Variants in COL6A2 observed in about 807,000 individuals in gnomAD.
The protein encoded by COL6A2 is collagen alpha-2(VI) chain.
In COL6A2, 90 loss-of-function variants were observed where a neutral mutation model predicts 124.9. The ratio of observed to expected loss-of-function variants is 0.72; its 90% CI spans 0.61 to 0.86. The LOEUF is 0.86. COL6A2 is among the 40% of genes least tolerant of loss of function. COL6A2 has a pLI of 0.00. For missense variants in COL6A2, 1,607 were observed against 1,502.5 expected (o/e 1.07, Z -1.15); for synonymous variants, 793 against 618.2 (o/e 1.28, Z -4.19).
At chr21:46,120,994 T>C in intron 16 of COL6A2, 67 bp from the exon 17 acceptor site, 1 of 1,458,162 alleles carries the variant, frequency 6.9e-7, no homozygotes, top group Non-Finnish European at 9.6e-7. Context: ...TCCACAGGAT[T>C]GATACTGGGG....
At chr21:46,117,761 C>A in intron 11 of COL6A2, 113 bp from the exon 12 acceptor site, 1 of 1,114,708 alleles carries the variant, frequency 9.0e-7, no homozygotes, top group Non-Finnish European at 1.3e-6. Flanking sequence ...CTGGGCCTCA[C>A]AGTGAGGGTG....
intron 18 of COL6A2, among the ~76,000 whole-genome samples, chr21:46,121,854 G>A (rs2078571648): frequency 6.6e-6 from 1 of 152,160 alleles, no homozygotes; most frequent in African/African-American, 2.4e-5. Context: ...CTGAGGCAGG[G>A]CCTGAGGGCA....
At position 46,112,271 on chromosome 21, in the gene COL6A2, C is replaced by T. The variant is rs745970130; in HGVS notation, c.408C>T (p.Cys136=). Residue 136 remains cysteine (C), a synonymous_variant, in exon 3 of 28, where the codon TGC becomes TGT. Transcript: ENST00000300527. Reference sequence around the variant, plus strand: ...TCCGCCGCGGCACCTTCACCGACTGCGCGCTGGCCAACATGACGGAGCAGA... The same window carrying T: ...TCCGCCGCGGCACCTTCACCGACTGTGCGCTGGCCAACATGACGGAGCAGA... The part of the protein sequence containing the change: ...SSFRRGTFTD[C]ALANMTEQIR... 2.0e-5 allele frequency: 33 copies of T among 1,612,624 alleles called. No individual in the cohort carries two copies. Among genetic ancestry groups the T allele is most frequent in the Admixed American group, 8.3e-5 (5 of 60,004 alleles).
At position 46,125,466 on chromosome 21, in the gene COL6A2, CTG is replaced by C. The variant is rs761642362; in HGVS notation, c.1821_1822del (p.Cys607Ter). The C allele has an allele frequency of 2.5e-6, 4 of 1,612,388 alleles. No individual in the cohort carries two copies. Among genetic ancestry groups the C allele is most frequent in the Admixed American group, 3.3e-5 (2 of 60,022 alleles). On this transcript the variant is annotated frameshift_variant and splice_region_variant, in exon 25 of 28. Transcript: ENST00000300527. LOFTEE classifies it high-confidence loss of function. ...YVRETCGCCD[C>X]EKRCGALDVV... The stretch of plus-strand genomic sequence containing the variant: ...CCGATGACCCTGCCACCCCCCCAGA[CTG>C]TGAGAAGCGCTGTGGCGCCCTGGAC...
At position 46,119,804 on chromosome 21, in the gene COL6A2, C is replaced by T; in HGVS notation, c.1286C>T (p.Pro429Leu). The T allele has an allele frequency of 6.4e-7, 1 of 1,564,124 alleles. No homozygotes were observed. Among genetic ancestry groups the T allele is most frequent in the Non-Finnish European group, 8.7e-7 (1 of 1,154,010 alleles). Residue 429 changes from proline to leucine, a missense_variant, in exon 15 of 28, where the codon CCC becomes CTC. By Grantham distance (98) the Pro-to-Leu change is moderately conservative. This residue lies in a region of COL6A2 where 1,223 missense variants were observed against 1,052.2 expected (regional missense o/e 1.16). Transcript: ENST00000300527. ...PKGEPGRRGD[P>L]GTKGSPGSDG... ...TCTCTGCAGGGGCGCAGGGGAGACC[C>T]CGGCACCAAGGGCAGCCCAGGCAGC...
rs1229870358 is a variant in COL6A2, at chr21:46,132,728, T to C, written c.*176T>C. ...GCCCCGGCCCCCGCCCAGCCCCAGG[T>C]CTCCCCAGGCCCTCCGCAGGCTGCC... On this transcript the variant is annotated 3_prime_UTR_variant, in exon 28 of 28. Coordinates refer to ENST00000300527, the MANE Select transcript of COL6A2 (RefSeq NM_001849.4). 2 of 657,950 alleles carry C rather than the reference T, an allele frequency of 3.0e-6. No homozygotes were observed. The highest frequency in any genetic ancestry group is 5.6e-5 in the East Asian group (2 of 35,794). 40.8% of individuals were successfully genotyped at this position (657,950 alleles called of 1,614,324 possible).
chr21:46,121,600 A>C lies in COL6A2; in HGVS notation c.1503A>C (p.Ser501=), dbSNP rs2123646795. The C allele has an allele frequency of 6.2e-7, 1 of 1,612,788 alleles. No individual in the cohort carries two copies. The change falls in exon 18 of 28, where the codon TCA becomes TCC. Residue 501 remains serine, a synonymous_variant. Coordinates refer to ENST00000300527, the MANE Select transcript of COL6A2 (RefSeq NM_001849.4). ...DPGDAGPRGD[S]GQPGPKGDPG... is the part of the protein sequence containing the mutation. ...GTGATGCAGGACCCCGTGGAGACTC[A>C]GGACAGCCAGGCCCCAAGGTACGTG...
At chr21:46,114,872 G>A (rs540887686) in intron 5 of COL6A2, among the ~76,000 whole-genome samples, 3 of 152,378 alleles carry the variant, frequency 2.0e-5, no homozygotes, top group South Asian at 2.1e-4. Flanking sequence ...CATAGGAGGA[G>A]AAAGTAGCTT....
intron 27 of COL6A2, chr21:46,129,560 A>G: frequency 6.8e-7 from 1 of 1,471,850 alleles, no homozygotes; most frequent in South Asian, 1.4e-5. Context: ...TGCCCCCGAC[A>G]GGCTGGCTCT....
Position 46,124,642 on chromosome 21 carries a change from C to T in COL6A2, c.1672-9C>T. 2 of 1,612,812 alleles carry T rather than the reference C, an allele frequency of 1.2e-6. No homozygotes were observed. Among genetic ancestry groups the T allele is most frequent in the South Asian group, 1.1e-5 (1 of 91,082 alleles). ...CCACTGAAGCCCACCTGTTCTTGTT[C>T]CTTCTCAGGCGGATCCTGGTCCCCC... On this transcript the variant is annotated splice_polypyrimidine_tract_variant and intron_variant, in intron 21 of 27. Coordinates refer to ENST00000300527, the MANE Select transcript of COL6A2 (RefSeq NM_001849.4).
chr21:46,117,858 C>A lies in COL6A2; in HGVS notation c.1054-16C>A. On this transcript the variant is annotated splice_polypyrimidine_tract_variant and intron_variant, in intron 11 of 27. Coordinates refer to ENST00000300527, the MANE Select transcript of COL6A2 (RefSeq NM_001849.4). ...ACCCGCCGTGTGCCGAGCTCCACCTCTCACTCCTCTCTCAGGGCCCCGACG... is the reference window on the plus strand; with the variant it reads ...ACCCGCCGTGTGCCGAGCTCCACCTATCACTCCTCTCTCAGGGCCCCGACG... 6.2e-7 allele frequency: 1 copy of A among 1,607,482 alleles called. No homozygotes were observed. The highest frequency in any genetic ancestry group is 8.5e-7 in the Non-Finnish European group (1 of 1,178,102).
intron 1 of COL6A2, among the ~76,000 whole-genome samples, chr21:46,111,175 G>A (rs1033098812): frequency 2.6e-5 from 4 of 152,170 alleles, no homozygotes; most frequent in African/African-American, 4.8e-5. Context: ...AGCCCTGGAG[G>A]ACATGGAAGG....
chr21:46,128,307 A>G (rs1421427620), intron 27 of COL6A2, among the ~76,000 whole-genome samples: 2 of 152,042 alleles, frequency 1.3e-5, no homozygotes, highest in Non-Finnish European at 2.9e-5. Context: ...CCGCCCTGAC[A>G]CCTCATCCCC....
chr21:46,121,478 G>A, intron 17 of COL6A2, 78 bp from the exon 18 acceptor site: 1 of 1,406,996 alleles, frequency 7.1e-7, no homozygotes, highest in East Asian at 2.3e-5. Flanking sequence ...GTCAGGGCTG[G>A]ACGGGGCATG....
chr21:46,112,796 T>A lies in COL6A2; in HGVS notation c.715-8T>A, dbSNP rs766767554. 1 of 1,613,836 alleles carries A rather than the reference T, an allele frequency of 6.2e-7. No individual in the cohort carries two copies. The highest frequency in any genetic ancestry group is 8.5e-7 in the Non-Finnish European group (1 of 1,180,010). On this transcript the variant is annotated splice_region_variant and splice_polypyrimidine_tract_variant and intron_variant, in intron 3 of 27. Transcript: ENST00000300527. ...CACGGCTAACCAGCATGTCTGTCTT[T>A]TCTGCAGAAACACGAAGCCTACGGA...
At chr21:46,125,689 A>G in intron 25 of COL6A2, 72 bp downstream of exon 25, 2 of 1,589,516 alleles carry the variant, frequency 1.3e-6, no homozygotes, top group Non-Finnish European at 1.7e-6. Context: ...AGATGGGAGA[A>G]GTCCAGACGC....
chr21:46,118,552 G>A lies in COL6A2; in HGVS notation c.1117-62G>A, dbSNP rs1225495484. 5 of 1,533,240 alleles carry A rather than the reference G, an allele frequency of 3.3e-6. No individual in the cohort carries two copies. The East Asian group carries it at 6.8e-5, about 21-fold the overall frequency. The allele number at this position is 1,533,240 out of a possible 1,614,324, so 95.0% of individuals were successfully genotyped here. A position where few individuals can be genotyped will look rare whatever the true frequency, so the allele number is the denominator to read the frequency against. ...GACCGTGGGTCCTGCCCCCGCAGCG[G>A]GCATCCTGCACCCCCCTTCCCCTGC... On this transcript the variant is annotated intron_variant, in intron 12 of 27. Coordinates refer to ENST00000300527, the MANE Select transcript of COL6A2 (RefSeq NM_001849.4).
chr21:46,126,665 G>A (rs997062693), intron 27 of COL6A2, 124 bp downstream of exon 27: 3 of 1,178,982 alleles, frequency 2.5e-6, no homozygotes, highest in South Asian at 1.3e-5. Flanking sequence ...AGCCACTGCG[G>A]AGGCTGCTCC....
intron 15 of COL6A2, among the ~76,000 whole-genome samples, chr21:46,120,122 GGCC>G (rs374764529): frequency 6.9e-4 from 11 of 16,042 alleles, no homozygotes; most frequent in Admixed American, 4.9e-3. Flanking sequence ...CACACCCCCC[GGCC>G]CCCACTGAGG....
Sources: gnomAD v4.1 joint callset for allele counts (sites outside exome capture counted in the v4.1 genomes callset) on GRCh38, gnomAD v4.1.1 for gene constraint, gnomAD v4.1.1 regional missense constraint, MANE v1.5 for transcripts, NCBI Gene and HGNC (gene_info 2026-07-23, HGNC 2026-07-21) for gene names.